Variants in FAM53B observed in about 807,000 individuals in gnomAD.
The protein encoded by FAM53B is family with sequence similarity 53 member B.
Under a neutral mutation model 32.7 loss-of-function variants are expected in FAM53B, and 12 were observed. The observed-to-expected ratio is 0.37, with a 90% CI of 0.24 to 0.59. FAM53B has a LOEUF of 0.59. FAM53B is among the 20% of genes least tolerant of loss of function. FAM53B has a pLI of 0.72. For synonymous variants in FAM53B, 234 were observed against 228.7 expected, an observed-to-expected ratio of 1.02 and a Z score of -0.21; for missense variants, 477 against 577.7, an observed-to-expected ratio of 0.83 and a Z score of 1.79.
At chr10:124,626,106 G>A (rs1236665139) in intron 4 of FAM53B, among the ~76,000 whole-genome samples, 3 of 152,262 alleles carry the variant, frequency 2.0e-5, no homozygotes, top group Non-Finnish European at 4.4e-5. Flanking sequence ...CCTGACGCCC[G>A]AACGCGTGCC....
intron 4 of FAM53B, among the ~76,000 whole-genome samples, chr10:124,647,258 C>CT (rs1023176197): frequency 5.0e-4 from 76 of 152,312 alleles, no homozygotes; most frequent in African/African-American, 1.7e-3. Flanking sequence ...AATGGGGACT[C>CT]TGAGTCTAAG....
rs935774374 is a variant in FAM53B, at chr10:124,621,017, T to C, written c.*2225A>G. 8 of 152,154 alleles carry C rather than the reference T, an allele frequency of 5.3e-5. No homozygotes were observed. The highest frequency in any genetic ancestry group is 1.0e-4 in the Non-Finnish European group (7 of 68,030). 9.4% of individuals were successfully genotyped at this position (152,154 alleles called of 1,614,324 possible). A position where few individuals can be genotyped will look rare whatever the true frequency, so the allele number is the denominator to read the frequency against. On this transcript the variant is annotated 3_prime_UTR_variant, in exon 5 of 5. Transcript: ENST00000337318. ...TGAATGGGGAGGTGGCAGGCAAGGT[T>C]TGAGGGCAGGTCACCCACACCCCAG... is the stretch of plus-strand genomic sequence containing the variant.
At chr10:124,709,917 C>T (rs937047480) in intron 1 of FAM53B, among the ~76,000 whole-genome samples, 3 of 152,072 alleles carry the variant, frequency 2.0e-5, no homozygotes, top group South Asian at 2.1e-4. Context: ...ATGACAGTTC[C>T]GGAGAGGAAC....
At chr10:124,631,933 G>A (rs1022837979) in intron 4 of FAM53B, among the ~76,000 whole-genome samples, 10 of 152,162 alleles carry the variant, frequency 6.6e-5, no homozygotes, top group African/African-American at 1.7e-4. Flanking sequence ...CACATGCCAC[G>A]GCCTGGTTCA....
intron 4 of FAM53B, among the ~76,000 whole-genome samples, chr10:124,634,341 G>A (rs912267256): frequency 6.6e-6 from 1 of 152,222 alleles, no homozygotes; most frequent in Admixed American, 6.5e-5. Flanking sequence ...GATATGAAAT[G>A]TCCAGAATAG....
rs1949868819 is a variant in FAM53B at position 124,696,171 on chromosome 10, A to G, written c.120T>C (p.Ser40=). 1 of 1,612,668 alleles carries G rather than the reference A, an allele frequency of 6.2e-7. No individual in the cohort carries two copies. Among genetic ancestry groups the G allele is most frequent in the African/African-American group, 1.3e-5 (1 of 74,894 alleles). Residue 40 remains serine, a synonymous_variant, in exon 3 of 5, where the codon TCT becomes TCC. Transcript: ENST00000337318. ...TTGAGTACTTACCCATAATTCCACA[A>G]GAGAAAAGTGTAGGTCCTTGACTCA... ...KKMSQGPTLF[S]CGIMENDRWR...
At chr10:124,664,670 C>T (rs974515192) in intron 4 of FAM53B, among the ~76,000 whole-genome samples, 2 of 152,236 alleles carry the variant, frequency 1.3e-5, no homozygotes, top group Non-Finnish European at 2.9e-5. Flanking sequence ...CCTCAGTACT[C>T]ATGCTCAGTG....
At chr10:124,666,175 G>T (rs1262095914) in intron 4 of FAM53B, among the ~76,000 whole-genome samples, 2 of 152,234 alleles carry the variant, frequency 1.3e-5, no homozygotes, top group Non-Finnish European at 2.9e-5. Context: ...TAGATGCCCT[G>T]ACATTCCTGT....
At chr10:124,671,372 TG>T (rs922829307) in intron 4 of FAM53B, among the ~76,000 whole-genome samples, 17 of 152,224 alleles carry the variant, frequency 1.1e-4, no homozygotes, top group Non-Finnish European at 1.5e-4. Context: ...TAGCCCAAGG[TG>T]GGGAGCAGCT....
chr10:124,626,892 C>T lies in FAM53B; in HGVS notation c.907-3288G>A, dbSNP rs368029692. On this transcript the variant is annotated intron_variant, in intron 4 of 4. Coordinates refer to ENST00000337318, the MANE Select transcript of FAM53B (RefSeq NM_014661.4). ...TCTGGGCTGCAGCCAGCCTGCCTGC[C>T]GAGTCAGGGTGTTCAGGGCTATCTG... Among the ~76,000 whole-genome samples the T allele has an allele frequency of 2.3e-4, 35 of 152,292 alleles. No homozygotes were observed. The South Asian group carries it at 6.4e-3, about 28-fold the overall frequency.
intron 4 of FAM53B, among the ~76,000 whole-genome samples, chr10:124,647,516 A>G (rs1026065859): frequency 1.3e-5 from 2 of 152,224 alleles, no homozygotes; most frequent in Admixed American, 6.5e-5. Context: ...ACCCCACCAC[A>G]TGCGGGAGCT....
chr10:124,687,951 A>G (rs916626593), intron 3 of FAM53B, among the ~76,000 whole-genome samples: 2 of 152,232 alleles, frequency 1.3e-5, no homozygotes, highest in Non-Finnish European at 2.9e-5. Flanking sequence ...ATTTGAATTC[A>G]TAACAACACT....
At chr10:124,635,952 T>C (rs1037687667) in intron 4 of FAM53B, among the ~76,000 whole-genome samples, 1 of 152,206 alleles carries the variant, frequency 6.6e-6, no homozygotes, top group East Asian at 1.9e-4. Flanking sequence ...CCTATTTGCT[T>C]ATATTGTAAA....
At chr10:124,634,285 G>A (rs549846122) in intron 4 of FAM53B, among the ~76,000 whole-genome samples, 1 of 152,216 alleles carries the variant, frequency 6.6e-6, no homozygotes, top group Non-Finnish European at 1.5e-5. Context: ...ATGACGCTAA[G>A]TGAAGGAAGC....
At chr10:124,627,527 G>A (rs1303620881) in intron 4 of FAM53B, among the ~76,000 whole-genome samples, 1 of 152,012 alleles carries the variant, frequency 6.6e-6, no homozygotes, top group Non-Finnish European at 1.5e-5. Flanking sequence ...TTGACATCCA[G>A]CCCCAGCCCT....
At chr10:124,743,829 AGGC>A (rs1333424892) in intron 1 of FAM53B, among the ~76,000 whole-genome samples, 181 bp downstream of exon 1, 4 of 151,822 alleles carry the variant, frequency 2.6e-5, no homozygotes, top group Admixed American at 1.3e-4. Context: ...CCCAACCCAA[AGGC>A]GAAACAAGGC....
chr10:124,654,200 G>A (rs1044609493), intron 4 of FAM53B, among the ~76,000 whole-genome samples: 2 of 152,262 alleles, frequency 1.3e-5, no homozygotes, highest in Non-Finnish European at 2.9e-5. Context: ...TGTTGTGAAT[G>A]AAACGCTGCG....
At chr10:124,678,874 C>T (rs1345253854) in intron 4 of FAM53B, among the ~76,000 whole-genome samples, 2 of 152,164 alleles carry the variant, frequency 1.3e-5, no homozygotes, top group African/African-American at 2.4e-5. Context: ...AGAGGGAAGC[C>T]CCCGTGTGCT....
chr10:124,656,189 C>G (rs1024604105), intron 4 of FAM53B, among the ~76,000 whole-genome samples: 1 of 152,222 alleles, frequency 6.6e-6, no homozygotes, highest in African/African-American at 2.4e-5. Flanking sequence ...CAGGGCAAGG[C>G]CCAAGATCTG....
Sources: allele counts gnomAD v4.1 joint callset (sites outside exome capture counted in the v4.1 genomes callset), GRCh38; gene constraint gnomAD v4.1.1; transcripts MANE v1.5; gene names NCBI Gene and HGNC (gene_info 2026-07-23, HGNC 2026-07-21).